EIPR1: variants seen among roughly 807,000 people sequenced by gnomAD.
EIPR1 encodes the protein EARP complex and GARP complex interacting protein 1, also known as EARP and GARP complex-interacting protein 1.
EIPR1 carries 25 observed loss-of-function variants against 48.1 expected under a neutral mutation model. That is an observed-to-expected ratio of 0.52 (90% CI 0.38 to 0.73). The LOEUF is 0.73. Ranked by LOEUF, EIPR1 falls within the 30% of genes least tolerant of loss-of-function variation. The pLI is 0.00. For missense variants in EIPR1, 415 were observed against 506.2 expected (o/e 0.82, Z 1.73); for synonymous variants, 204 against 201.9 (o/e 1.01, Z -0.09).
intron 4 of EIPR1, among the ~76,000 whole-genome samples, chr2:3,237,114 CA>C (rs1666429324): frequency 6.6e-6 from 1 of 152,052 alleles, no homozygotes; most frequent in Admixed American, 6.5e-5. Context: ...CACACAGGTC[CA>C]CCTGGGAGAT....
chr2:3,364,910 T>G (rs1042250239), intron 1 of EIPR1, among the ~76,000 whole-genome samples: 1 of 152,166 alleles, frequency 6.6e-6, no homozygotes, highest in African/African-American at 2.4e-5. Flanking sequence ...ACATAGTGTT[T>G]GGTATATCAG....
At chr2:3,268,553 A>T (rs1667561959) in intron 3 of EIPR1, among the ~76,000 whole-genome samples, 1 of 151,990 alleles carries the variant, frequency 6.6e-6, no homozygotes, top group South Asian at 2.1e-4. Flanking sequence ...CTTCTACCAC[A>T]CTTAGCGCTT....
At chr2:3,274,295 T>A in intron 3 of EIPR1, 1 of 1,550,038 alleles carries the variant, frequency 6.5e-7, no homozygotes, top group South Asian at 1.2e-5. Context: ...CTGGACACAC[T>A]GTAGCACAAA....
chr2:3,343,376 G>C lies in EIPR1; in HGVS notation c.127-5227C>G, dbSNP rs542156982. Reference sequence around the variant, plus strand: ...CTCCGAAAACAAGCAATGCGAGAAAGAAACACCGTAACTAAGGTGAGTGCA... The same window carrying C: ...CTCCGAAAACAAGCAATGCGAGAAACAAACACCGTAACTAAGGTGAGTGCA... On this transcript the variant is annotated intron_variant, in intron 2 of 8. Coordinates refer to ENST00000382125, the MANE Select transcript of EIPR1 (RefSeq NM_003310.5). 4.6e-5 allele frequency among the ~76,000 whole-genome samples: 7 copies of C among 152,350 alleles called. No individual in the cohort carries two copies. In the East Asian group the frequency reaches 7.7e-4, roughly 17 times the overall value.
intron 4 of EIPR1, among the ~76,000 whole-genome samples, chr2:3,242,932 C>T (rs1163439909): frequency 1.3e-5 from 2 of 152,294 alleles, no homozygotes; most frequent in African/African-American, 2.4e-5. Flanking sequence ...AGAATCACAC[C>T]GTTCAGTCCC....
At position 3,303,213 on chromosome 2, in the gene EIPR1, G is replaced by C. The variant is rs1427633758; in HGVS notation, c.259+34804C>G. On this transcript the variant is annotated intron_variant, in intron 3 of 8. Transcript: ENST00000382125. ...GGCTCCGGCTGATTAAGCAGAAAAG[G>C]AGATCAACGTGAGGGGCTGGGTGGA... 2.0e-5 allele frequency among the ~76,000 whole-genome samples: 3 copies of C among 152,212 alleles called. No homozygotes were observed. In the East Asian group the frequency reaches 5.8e-4, roughly 29 times the overall value.
intron 1 of EIPR1, among the ~76,000 whole-genome samples, chr2:3,365,480 CTTT>C (rs11305564): frequency 1.4e-5 from 2 of 146,754 alleles, no homozygotes; most frequent in Non-Finnish European, 3.0e-5. Context: ...TCAGAAAAAG[CTTT>C]TTTTTTTTTT....
At chr2:3,273,936 G>A (rs1189860604) in intron 3 of EIPR1, among the ~76,000 whole-genome samples, 2 of 152,078 alleles carry the variant, frequency 1.3e-5, no homozygotes, top group African/African-American at 2.4e-5. Flanking sequence ...TTATGAGCAG[G>A]CAACAAAAGA....
At chr2:3,366,752 T>G (rs7595083) in intron 1 of EIPR1, among the ~76,000 whole-genome samples, 2,504 of 152,294 alleles carry the variant, frequency 0.016, 74 homozygotes, top group African/African-American at 0.058. Flanking sequence ...TTTTGAATTT[T>G]TTGTATTAAA....
rs2103220111 is a variant in EIPR1 at position 3,257,446 on chromosome 2, C to T, written c.269G>A (p.Ser90Asn). 1.2e-6 allele frequency: 2 copies of T among 1,614,136 alleles called. No homozygotes were observed. The highest frequency in any genetic ancestry group is 4.5e-5 in the East Asian group (2 of 44,880). The change falls in exon 4 of 9, where the codon AGC (serine) becomes AAC (asparagine). Residue 90 changes from serine (S) to asparagine (N), a missense_variant. Physicochemically the swap from Ser to Asn is conservative, Grantham distance 46. Coordinates refer to ENST00000382125, the MANE Select transcript of EIPR1 (RefSeq NM_003310.5). ...LTTCYNRTSD[S>N]KVLTCAAVWR... ...CACGGCTGCACATGTCAGGACTTTG[C>T]TGTCTGAAGCTGAGCAACAGAGCAT...
chr2:3,369,499 G>A (rs1671057346), intron 1 of EIPR1, among the ~76,000 whole-genome samples: 1 of 152,240 alleles, frequency 6.6e-6, no homozygotes, highest in South Asian at 2.1e-4. Context: ...AGGGGTGACA[G>A]ACAACACCTG....
chr2:3,335,467 G>A, intron 3 of EIPR1, among the ~76,000 whole-genome samples: 1 of 151,924 alleles, frequency 6.6e-6, no homozygotes, highest in East Asian at 1.9e-4. Flanking sequence ...GCACGAGGGG[G>A]GTTTCCTGGT....
In EIPR1 at chr2:3,281,523, CTG is replaced by C. The variant is rs1224911261; in HGVS notation, c.260-24070_260-24069del. Among the ~76,000 whole-genome samples the C allele has an allele frequency of 4.6e-5, 7 of 152,210 alleles. No homozygotes were observed. In the East Asian group the frequency reaches 1.4e-3, roughly 29 times the overall value. ...CAACTGGAGTGGTGAGATGAAAAAA[CTG>C]AGGAAAAATCTGGAAATTTAGTCAG... On this transcript the variant is annotated intron_variant, in intron 3 of 8. Transcript: ENST00000382125.
intron 2 of EIPR1, among the ~76,000 whole-genome samples, chr2:3,348,068 C>T (rs897645227): frequency 6.6e-6 from 1 of 151,998 alleles, no homozygotes; most frequent in Non-Finnish European, 1.5e-5. Flanking sequence ...GACTTGCAGG[C>T]GGGGGGGCTG....
intron 3 of EIPR1, chr2:3,319,681 A>AACACCACC (rs1669436824): frequency 6.3e-6 from 1 of 158,126 alleles, no homozygotes; most frequent in Non-Finnish European, 1.4e-5. Context: ...ACAACACTGC[A>AACACCACC]CCTGCGGGCA....
intron 7 of EIPR1, 78 bp downstream of exon 7, chr2:3,193,921 T>A: frequency 2.6e-6 from 4 of 1,528,844 alleles, no homozygotes; most frequent in Non-Finnish European, 3.6e-6. Context: ...CTGGTTTGTG[T>A]CTTTCCCAAT....
At position 3,338,162 on chromosome 2, in the gene EIPR1, GA is replaced by G. The variant is rs1239024413; in HGVS notation, c.127-14del. The G allele has an allele frequency of 1.2e-6, 2 of 1,607,714 alleles. No homozygotes were observed. The highest frequency in any genetic ancestry group is 2.7e-5 in the African/African-American group (2 of 74,448). On this transcript the variant is annotated splice_polypyrimidine_tract_variant and intron_variant, in intron 2 of 8. Transcript: ENST00000382125. ...CTATGATATGGATCTACAAATACAA[GA>G]AAAGAGCACATCAGGATCTCAAACA...
chr2:3,274,208 C>A, intron 3 of EIPR1: 2 of 1,415,790 alleles, frequency 1.4e-6, no homozygotes, highest in Non-Finnish European at 9.4e-7. Context: ...AAACAGCAGG[C>A]ACAATATCAA....
At chr2:3,223,269 T>C (rs1429279343) in intron 4 of EIPR1, among the ~76,000 whole-genome samples, 1 of 152,188 alleles carries the variant, frequency 6.6e-6, no homozygotes, top group Non-Finnish European at 1.5e-5. Flanking sequence ...GGACTTTCCC[T>C]GGTCCTTTCC....
Sources: allele counts gnomAD v4.1 joint callset (sites outside exome capture counted in the v4.1 genomes callset), GRCh38; gene constraint gnomAD v4.1.1; transcripts MANE v1.5; gene names NCBI Gene and HGNC (gene_info 2026-07-23, HGNC 2026-07-21).